Variants in EPB41L4A observed in about 807,000 individuals in gnomAD.
The protein encoded by EPB41L4A is erythrocyte membrane protein band 4.1 like 4A, also known as band 4.1-like protein 4A.
A neutral mutation model predicts 108.6 loss-of-function variants in EPB41L4A; 100 were observed. The ratio of observed to expected loss-of-function variants is 0.92; its 90% CI spans 0.78 to 1.09. The LOEUF (loss-of-function observed/expected upper bound fraction) is 1.09. Ranked by LOEUF, EPB41L4A falls within the 50% of genes least tolerant of loss-of-function variation. The pLI is 0.00. For missense variants in EPB41L4A, 1,030 were observed against 842.7 expected, an observed-to-expected ratio of 1.22 and a Z score of -2.75; for synonymous variants, 319 against 289.0, an observed-to-expected ratio of 1.10 and a Z score of -1.05.
chr5:112,223,030 C>A (rs1486238786), intron 12 of EPB41L4A, among the ~76,000 whole-genome samples: 1 of 151,912 alleles, frequency 6.6e-6, no homozygotes, highest in Non-Finnish European at 1.5e-5. Flanking sequence ...CCTCTGCCTC[C>A]CGGGTTCAAG....
At chr5:112,364,422 C>T (rs1044497715) in intron 1 of EPB41L4A, among the ~76,000 whole-genome samples, 5 of 152,170 alleles carry the variant, frequency 3.3e-5, no homozygotes, top group Admixed American at 2.6e-4. Flanking sequence ...TTGCCTTGAT[C>T]TGGAATTGCT....
chr5:112,149,324 T>C (rs183513821), intron 12 of EPB41L4A, among the ~76,000 whole-genome samples: 1 of 152,178 alleles, frequency 6.6e-6, no homozygotes, highest in Admixed American at 6.5e-5. Flanking sequence ...ACAAAAATAT[T>C]AGCCAGGCGT....
At chr5:112,340,221 G>A (rs1757225794) in intron 1 of EPB41L4A, among the ~76,000 whole-genome samples, 1 of 152,168 alleles carries the variant, frequency 6.6e-6, no homozygotes, top group Admixed American at 6.5e-5. Flanking sequence ...GAAGATTTCT[G>A]GCTCTTATCC....
At chr5:112,312,919 C>T (rs748688278) in intron 1 of EPB41L4A, among the ~76,000 whole-genome samples, 3 of 152,124 alleles carry the variant, frequency 2.0e-5, no homozygotes, top group African/African-American at 2.4e-5. Context: ...TGACAGAGAA[C>T]TGACATAGAA....
Position 112,168,777 on chromosome 5 carries a change from A to G in EPB41L4A, c.1894T>C (p.Ser632Pro). ...GCATCCCCAGAACCCTGAGCATCCGAAGAACGGGTCACCGGAAGTGGTGGT... is the reference window on the plus strand; with the variant it reads ...GCATCCCCAGAACCCTGAGCATCCGGAGAACGGGTCACCGGAAGTGGTGGT... ...LVPPLPVTRS[S>P]DAQGSGDATV... is the part of the protein sequence containing the mutation. The change falls in exon 22 of 23, where the codon TCG (serine) becomes CCG (proline). Residue 632 changes from serine (S) to proline (P), a missense_variant. Physicochemically the swap from Ser to Pro is moderately conservative, Grantham distance 74 (BLOSUM62 -1). Coordinates refer to ENST00000261486, the MANE Select transcript of EPB41L4A (RefSeq NM_022140.5). 6.2e-7 allele frequency: 1 copy of G among 1,614,152 alleles called. No homozygotes were observed. Among genetic ancestry groups the G allele is most frequent in the Admixed American group, 1.7e-5 (1 of 60,024 alleles).
intron 1 of EPB41L4A, among the ~76,000 whole-genome samples, chr5:112,375,862 G>C (rs1759787517): frequency 6.6e-6 from 1 of 152,210 alleles, no homozygotes; most frequent in East Asian, 1.9e-4. Flanking sequence ...GAGTGGTCAT[G>C]AGCCAAAGAC....
chr5:112,343,999 T>A (rs2150708422), intron 1 of EPB41L4A, among the ~76,000 whole-genome samples: 1 of 152,350 alleles, frequency 6.6e-6, no homozygotes, highest in East Asian at 1.9e-4. Context: ...AAGTCTGTAG[T>A]ATGCTACGAT....
In EPB41L4A at chr5:112,249,790, T is replaced by C. The variant is rs142316787; in HGVS notation, c.796-8980A>G. On this transcript the variant is annotated intron_variant, in intron 9 of 22. Transcript: ENST00000261486. ...CTTACAACACTAAGGTCTTGCGATA[T>C]TGGCATAGAAGGGTTCTTTGCTCAG... Among the ~76,000 whole-genome samples, 1,021 of 152,302 alleles carry C rather than the reference T, an allele frequency of 6.7e-3. 9 individuals are homozygous for C. Among genetic ancestry groups the C allele is most frequent in the Non-Finnish European group, 0.01 (698 of 68,024 alleles).
intron 1 of EPB41L4A, among the ~76,000 whole-genome samples, chr5:112,417,399 T>C (rs1762777144): frequency 6.6e-6 from 1 of 152,194 alleles, no homozygotes; most frequent in Non-Finnish European, 1.5e-5. Context: ...AAAGATTTCT[T>C]TACTGTCTTA....
chr5:112,190,329 C>T (rs1006732454), intron 17 of EPB41L4A, among the ~76,000 whole-genome samples: 1 of 152,020 alleles, frequency 6.6e-6, no homozygotes, highest in Non-Finnish European at 1.5e-5. Flanking sequence ...GTTACATAAA[C>T]ACCCCCTTAT....
intron 12 of EPB41L4A, among the ~76,000 whole-genome samples, chr5:112,215,481 G>C (rs1747553638): frequency 6.6e-6 from 1 of 152,134 alleles, no homozygotes; most frequent in Non-Finnish European, 1.5e-5. Flanking sequence ...GACAAAGCTT[G>C]CTCGGGCGCG....
intron 9 of EPB41L4A, among the ~76,000 whole-genome samples, chr5:112,252,130 G>A (rs1417215555): frequency 1.3e-5 from 2 of 152,166 alleles, no homozygotes; most frequent in African/African-American, 4.8e-5. Context: ...GGAGAGTAAG[G>A]AAGAACCCTG....
At chr5:112,251,782 C>G (rs1750691950) in intron 9 of EPB41L4A, among the ~76,000 whole-genome samples, 1 of 151,964 alleles carries the variant, frequency 6.6e-6, no homozygotes, top group South Asian at 2.1e-4. Flanking sequence ...GGAGCTATAA[C>G]CAAAAACAAC....
intron 1 of EPB41L4A, among the ~76,000 whole-genome samples, chr5:112,380,667 A>G (rs538507795): frequency 3.3e-5 from 5 of 152,272 alleles, no homozygotes; most frequent in South Asian, 2.1e-4. Context: ...AGCTTTCAAG[A>G]ACAGTTAAGT....
At chr5:112,196,222 C>T (rs1342803941) in intron 15 of EPB41L4A, among the ~76,000 whole-genome samples, 1 of 152,140 alleles carries the variant, frequency 6.6e-6, no homozygotes, top group Non-Finnish European at 1.5e-5. Flanking sequence ...TTTCAAACAG[C>T]TTCAATGGGG....
Position 112,325,954 on chromosome 5 carries a change from C to T in EPB41L4A, c.100-18464G>A, listed in dbSNP as rs145082300. 4.4e-3 allele frequency among the ~76,000 whole-genome samples: 664 copies of T among 152,244 alleles called. 4 individuals are homozygous for T. Among genetic ancestry groups the T allele is most frequent in the Middle Eastern group, 0.014 (4 of 294 alleles). On this transcript the variant is annotated intron_variant, in intron 1 of 22. Coordinates refer to ENST00000261486, the MANE Select transcript of EPB41L4A (RefSeq NM_022140.5). ...ATTGCTTGAGGCCAGGAGTTTGAGACCAGCTAGGGCAACATTGTAAGACCC... is the reference window on the plus strand; with the variant it reads ...ATTGCTTGAGGCCAGGAGTTTGAGATCAGCTAGGGCAACATTGTAAGACCC...
chr5:112,240,571 T>C, intron 10 of EPB41L4A, 148 bp downstream of exon 10: 2 of 560,224 alleles, frequency 3.6e-6, no homozygotes, highest in Non-Finnish European at 6.3e-6. Context: ...TGCATGTTTG[T>C]ATTAATATAA....
At chr5:112,331,436 C>T (rs968684144) in intron 1 of EPB41L4A, among the ~76,000 whole-genome samples, 2 of 152,212 alleles carry the variant, frequency 1.3e-5, no homozygotes, top group Admixed American at 6.5e-5. Flanking sequence ...TTGTTTATAA[C>T]ACACAGTGGG....
chr5:112,246,316 G>A (rs1292502440), intron 9 of EPB41L4A, among the ~76,000 whole-genome samples: 1 of 152,124 alleles, frequency 6.6e-6, no homozygotes, highest in African/African-American at 2.4e-5. Context: ...TCTGTGTTTA[G>A]ATGTGTTTGG....
Sources: allele counts gnomAD v4.1 joint callset (sites outside exome capture counted in the v4.1 genomes callset), GRCh38; gene constraint gnomAD v4.1.1; transcripts MANE v1.5; gene names NCBI Gene and HGNC (gene_info 2026-07-23, HGNC 2026-07-21).